KIF26B: variants seen among roughly 807,000 people sequenced by gnomAD.
KIF26B encodes kinesin-like protein KIF26B.
A neutral mutation model predicts 151.2 loss-of-function variants in KIF26B; 63 were observed. The ratio of observed to expected loss-of-function variants is 0.42; its 90% confidence interval spans 0.34 to 0.51. KIF26B has a LOEUF of 0.51. KIF26B is among the 20% of genes least tolerant of loss of function. KIF26B has a pLI of 0.07. For synonymous variants in KIF26B, 1,357 were observed against 1,262.1 expected, an observed-to-expected ratio of 1.08 and a Z score of -1.59; for missense variants, 2,813 against 2,913.6, an observed-to-expected ratio of 0.97 and a Z score of 0.79.
chr1:245,376,572 A>G (rs536597409), intron 3 of KIF26B, among the ~76,000 whole-genome samples: 1 of 152,368 alleles, frequency 6.6e-6, no homozygotes, highest in South Asian at 2.1e-4. Context: ...TAATAGGTAC[A>G]GGGAAGAGAA....
At chr1:245,463,042 T>A (rs550782405) in intron 4 of KIF26B, among the ~76,000 whole-genome samples, 1 of 152,282 alleles carries the variant, frequency 6.6e-6, no homozygotes, top group Admixed American at 6.5e-5. Flanking sequence ...GTCCAATGAC[T>A]GCTGAGATTC....
At chr1:245,335,127 C>G (rs1672194932) in intron 2 of KIF26B, among the ~76,000 whole-genome samples, 1 of 152,158 alleles carries the variant, frequency 6.6e-6, no homozygotes, top group Non-Finnish European at 1.5e-5. Flanking sequence ...CTGGGGACTT[C>G]AGACTGTCTG....
intron 4 of KIF26B, among the ~76,000 whole-genome samples, chr1:245,539,616 T>G (rs546916164): frequency 1.5e-3 from 222 of 152,272 alleles, no homozygotes; most frequent in Non-Finnish European, 2.4e-3. Context: ...CCTTCCCCTG[T>G]TTTCTTCTTC....
rs1013127786 is a variant in KIF26B, at chr1:245,564,894, C to G, written c.1350+23944C>G. On this transcript the variant is annotated intron_variant, in intron 5 of 14. Coordinates refer to ENST00000407071, the MANE Select transcript of KIF26B (RefSeq NM_018012.4). The surrounding 1 kb of genome is among the most constrained non-coding windows in gnomAD (Gnocchi z 4.6). Reference sequence around the variant, plus strand: ...TTTGTGCTTCCATGAGAATCTAATGCTGCTGCTGATCTGACGGGAGGCAGA... The same window carrying G: ...TTTGTGCTTCCATGAGAATCTAATGGTGCTGCTGATCTGACGGGAGGCAGA... 6.6e-6 allele frequency among the ~76,000 whole-genome samples: 1 copy of G among 152,180 alleles called. No homozygotes were observed. The highest frequency in any genetic ancestry group is 1.5e-5 in the Non-Finnish European group (1 of 68,014).
At chr1:245,678,805 G>A (rs1198838696) in intron 10 of KIF26B, among the ~76,000 whole-genome samples, 6 of 151,954 alleles carry the variant, frequency 3.9e-5, no homozygotes, top group Non-Finnish European at 7.4e-5. Flanking sequence ...GGAGGTTGCC[G>A]TGAGCTGAGA....
At chr1:245,471,860 C>T (rs989542171) in intron 4 of KIF26B, among the ~76,000 whole-genome samples, 14 of 151,684 alleles carry the variant, frequency 9.2e-5, no homozygotes, top group African/African-American at 2.4e-4. Context: ...GGCACGATCT[C>T]GGCTCACTGC....
intron 5 of KIF26B, among the ~76,000 whole-genome samples, chr1:245,574,546 G>A (rs2043096943): frequency 6.6e-6 from 1 of 152,218 alleles, no homozygotes; most frequent in Non-Finnish European, 1.5e-5. Context: ...GCCATGAACA[G>A]GCTGGTTGCT....
chr1:245,670,379 T>C (rs972456041), intron 10 of KIF26B, among the ~76,000 whole-genome samples: 1 of 151,068 alleles, frequency 6.6e-6, no homozygotes, highest in African/African-American at 2.4e-5. Flanking sequence ...TTTTGAGAGA[T>C]AGTTGAGAAA....
intron 5 of KIF26B, among the ~76,000 whole-genome samples, chr1:245,556,203 C>CTCTTCTTCTTCCTCCTCCTCCTCTTCT (rs1474249782): frequency 1.3e-5 from 2 of 152,054 alleles, no homozygotes; most frequent in Non-Finnish European, 2.9e-5. Context: ...GCACATCAAT[C>CTCTTCTTCTTCCTCCTCCTCCTCTTCT]TCTTCTTCTT....
chr1:245,313,201 C>T (rs1671697757), intron 2 of KIF26B, among the ~76,000 whole-genome samples: 1 of 152,094 alleles, frequency 6.6e-6, no homozygotes, highest in South Asian at 2.1e-4. Flanking sequence ...GATGGATTGA[C>T]ACTGCACCTG....
At chr1:245,701,936 C>T (rs770248436) in intron 14 of KIF26B, among the ~76,000 whole-genome samples, 1 of 152,190 alleles carries the variant, frequency 6.6e-6, no homozygotes, top group Non-Finnish European at 1.5e-5. Context: ...ATCCCAGATA[C>T]CTGCTCTTCA....
intron 5 of KIF26B, among the ~76,000 whole-genome samples, chr1:245,586,892 C>CG (rs1223021178): frequency 9.0e-6 from 1 of 111,600 alleles, no homozygotes; most frequent in African/African-American, 3.1e-5. Context: ...GACTCCGTCT[C>CG]AAAAAAAAAA....
intron 10 of KIF26B, among the ~76,000 whole-genome samples, chr1:245,668,554 G>A (rs2044243857): frequency 6.6e-6 from 1 of 152,176 alleles, no homozygotes; most frequent in African/African-American, 2.4e-5. Flanking sequence ...GTAATGGAAA[G>A]CATTCTTCAG....
intron 5 of KIF26B, among the ~76,000 whole-genome samples, chr1:245,590,635 C>T (rs1212901841): frequency 6.6e-6 from 1 of 152,118 alleles, no homozygotes; most frequent in African/African-American, 2.4e-5. Context: ...AGGCCGGGCA[C>T]GGTGGCTCAC....
chr1:245,515,044 G>A (rs115435393), intron 4 of KIF26B, among the ~76,000 whole-genome samples: 2,082 of 152,288 alleles, frequency 0.014, 32 homozygotes, highest in African/African-American at 0.039. Context: ...AATGGAAAGC[G>A]TGCTCGAGTA....
intron 2 of KIF26B, among the ~76,000 whole-genome samples, chr1:245,163,833 A>G (rs971204443): frequency 1.3e-5 from 2 of 152,172 alleles, no homozygotes; most frequent in Admixed American, 1.3e-4. Flanking sequence ...ATTGATCTAC[A>G]TGTTTTATAT....
chr1:245,551,280 C>T (rs1224995816), intron 5 of KIF26B, among the ~76,000 whole-genome samples: 2 of 152,128 alleles, frequency 1.3e-5, no homozygotes, highest in East Asian at 1.9e-4. Flanking sequence ...TGGGCTCAAG[C>T]GATCCACCCG....
chr1:245,184,635 A>G (rs1462886100), intron 2 of KIF26B, among the ~76,000 whole-genome samples: 1 of 152,260 alleles, frequency 6.6e-6, no homozygotes, highest in African/African-American at 2.4e-5. Context: ...TATGCAACAA[A>G]TTAAATATGG....
intron 2 of KIF26B, among the ~76,000 whole-genome samples, chr1:245,309,800 C>A (rs779493606): frequency 1.4e-5 from 2 of 145,646 alleles, no homozygotes; most frequent in Non-Finnish European, 3.0e-5. Context: ...AAAGAGAGGC[C>A]GCGTGGTCTT....
Sources: allele counts gnomAD v4.1 joint callset (sites outside exome capture counted in the v4.1 genomes callset), GRCh38; gene constraint gnomAD v4.1.1; non-coding constraint Gnocchi (gnomAD v3.1); transcripts MANE v1.5; gene names NCBI Gene and HGNC (gene_info 2026-07-23, HGNC 2026-07-21).